The following EML4 variants were observed in gnomAD, a reference collection of about 807,000 sequenced individuals.
EML4 encodes EMAP like 4, also known as echinoderm microtubule-associated protein-like 4.
Under a neutral mutation model 129.0 loss-of-function variants are expected in EML4, and 72 were observed. The ratio of observed to expected loss-of-function variants is 0.56; its 90% CI spans 0.46 to 0.68. The LOEUF is 0.68. Ranked by LOEUF, EML4 falls within the 30% of genes least tolerant of loss-of-function variation. The probability of loss-of-function intolerance (pLI) is 0.00; values close to 1 mark genes in which losing one functional copy is unlikely to be tolerated. For missense variants in EML4, 1,363 were observed against 1,190.6 expected (o/e 1.14, Z -2.13); for synonymous variants, 532 against 405.0 (o/e 1.31, Z -3.77).
At position 42,331,271 on chromosome 2, in the gene EML4, AG is replaced by A. The variant is rs1670085900; in HGVS notation, c.*1065del. Reference sequence around the variant, plus strand: ...CAGAAGTGTGGGTAACAGTCACAGCAGTTTTTTTTACCAACAGCATACTTAA... The same window carrying A: ...CAGAAGTGTGGGTAACAGTCACAGCATTTTTTTTACCAACAGCATACTTAA... On this transcript the variant is annotated 3_prime_UTR_variant, in exon 23 of 23. Coordinates refer to ENST00000318522, the MANE Select transcript of EML4 (RefSeq NM_019063.5). 8.9e-6 allele frequency: 2 copies of A among 223,714 alleles called. No individual in the cohort carries two copies. The highest frequency in any genetic ancestry group is 4.5e-5 in the African/African-American group (2 of 44,810). 13.9% of individuals were successfully genotyped at this position (223,714 alleles called of 1,614,324 possible).
intron 1 of EML4, among the ~76,000 whole-genome samples, chr2:42,220,868 A>T (rs1037663215): frequency 6.6e-6 from 1 of 152,214 alleles, no homozygotes; most frequent in African/African-American, 2.4e-5. Context: ...CTGAATATAA[A>T]GTCAGACCAG....
intron 1 of EML4, among the ~76,000 whole-genome samples, chr2:42,216,476 C>T (rs987958745): frequency 1.3e-5 from 2 of 151,400 alleles, no homozygotes; most frequent in African/African-American, 2.4e-5. Flanking sequence ...CTCCTGACGT[C>T]GTGATCCACC....
At chr2:42,315,853 G>C in intron 17 of EML4, 109 bp from the exon 18 acceptor site, 1 of 747,402 alleles carries the variant, frequency 1.3e-6, no homozygotes, top group Non-Finnish European at 2.3e-6. Flanking sequence ...ATGCACACCA[G>C]CGTTATGACA....
intron 22 of EML4, 45 bp from the exon 23 acceptor site, chr2:42,329,689 A>C (rs1669994562): frequency 6.5e-7 from 1 of 1,532,050 alleles, no homozygotes; most frequent in South Asian, 1.2e-5. Context: ...CAGGCATGTC[A>C]AGAATGAGTT....
At chr2:42,298,129 C>A (rs1668061409) in intron 13 of EML4, among the ~76,000 whole-genome samples, 1 of 152,160 alleles carries the variant, frequency 6.6e-6, no homozygotes, top group African/African-American at 2.4e-5. Flanking sequence ...TTAAGTCTTG[C>A]AAAGGAGCTA....
At chr2:42,221,747 G>C (rs1007339709) in intron 1 of EML4, among the ~76,000 whole-genome samples, 1 of 151,906 alleles carries the variant, frequency 6.6e-6, no homozygotes, top group South Asian at 2.1e-4. Flanking sequence ...GGGATTATAG[G>C]TGCCCACTAC....
intron 8 of EML4, 25 bp downstream of exon 8, chr2:42,282,997 A>AT: frequency 1.3e-6 from 2 of 1,555,088 alleles, no homozygotes; most frequent in South Asian, 1.2e-5. Flanking sequence ...ACATTGGTTC[A>AT]TTTTTGTTCT....
chr2:42,216,230 C>CCTTTT (rs1673177607), intron 1 of EML4, among the ~76,000 whole-genome samples: 5 of 43,356 alleles, frequency 1.2e-4, no homozygotes, highest in African/African-American at 6.4e-4. Flanking sequence ...CGGCCCACTT[C>CCTTTT]TTTTTTTTTT....
intron 13 of EML4, among the ~76,000 whole-genome samples, chr2:42,296,338 C>CA (rs1298393124): frequency 3.3e-5 from 5 of 150,336 alleles, no homozygotes; most frequent in Admixed American, 2.0e-4. Flanking sequence ...AATAATTCAC[C>CA]AAAAAAAAAG....
Position 42,323,404 on chromosome 2 carries a change from T to C in EML4, c.2155-2063T>C, listed in dbSNP as rs532975778. Reference sequence around the variant, plus strand: ...GCCTAGCAAGTGATTCCCAACGTGTTTTCCAATATACCGCTTAATTCTAGT... The same window carrying C: ...GCCTAGCAAGTGATTCCCAACGTGTCTTCCAATATACCGCTTAATTCTAGT... On this transcript the variant is annotated intron_variant, in intron 19 of 22. Transcript: ENST00000318522. Among the ~76,000 whole-genome samples, 244 of 152,314 alleles carry C rather than the reference T, an allele frequency of 1.6e-3. 1 individual carries two copies. The highest frequency in any genetic ancestry group is 5.7e-3 in the African/African-American group (236 of 41,570).
chr2:42,252,978 T>A (rs1332151239), intron 2 of EML4, among the ~76,000 whole-genome samples: 2 of 152,196 alleles, frequency 1.3e-5, no homozygotes, highest in East Asian at 3.9e-4. Context: ...AACTGCCTTA[T>A]ATATGTTTGT....
Position 42,226,396 on chromosome 2 carries a change from A to C in EML4, c.26-19109A>C, listed in dbSNP as rs7566523. Among the ~76,000 whole-genome samples the C allele has an allele frequency of 9.6e-3, 1,454 of 152,176 alleles. 28 individuals carry two copies. The highest frequency in any genetic ancestry group is 0.033 in the African/African-American group (1,353 of 41,536). On this transcript the variant is annotated intron_variant, in intron 1 of 22. Coordinates refer to ENST00000318522, the MANE Select transcript of EML4 (RefSeq NM_019063.5). ...AATTATGGGCCGGGCGTGGTGGCTCATGGCTGTAAACCCAGCACTTTGGGA... is the reference window on the plus strand; with the variant it reads ...AATTATGGGCCGGGCGTGGTGGCTCCTGGCTGTAAACCCAGCACTTTGGGA...
intron 1 of EML4, among the ~76,000 whole-genome samples, chr2:42,242,105 GA>G (rs2104278616): frequency 6.6e-6 from 1 of 152,110 alleles, no homozygotes; most frequent in South Asian, 2.1e-4. Flanking sequence ...AAAGTTTGCT[GA>G]AGGTAAGTTA....
chr2:42,274,913 TC>T lies in EML4; in HGVS notation c.668-5935del, dbSNP rs149054700. ...AATTTTTTGCCTAACAATCACTCTT[TC>T]CAAAGATAGTAGAGCAGAAACATCT... On this transcript the variant is annotated intron_variant, in intron 6 of 22. Coordinates refer to ENST00000318522, the MANE Select transcript of EML4 (RefSeq NM_019063.5). Among the ~76,000 whole-genome samples the T allele has an allele frequency of 2.4e-4, 37 of 152,268 alleles. 1 individual carries two copies. The East Asian group carries it at 7.1e-3, about 29-fold the overall frequency.
chr2:42,314,600 A>C (rs112900790), intron 17 of EML4, among the ~76,000 whole-genome samples: 7 of 152,174 alleles, frequency 4.6e-5, no homozygotes, highest in African/African-American at 1.7e-4. Context: ...CTGCACTACT[A>C]TTAAATACCT....
At chr2:42,174,893 C>G (rs1670510282) in intron 1 of EML4, among the ~76,000 whole-genome samples, 1 of 151,860 alleles carries the variant, frequency 6.6e-6, no homozygotes, top group Non-Finnish European at 1.5e-5. Context: ...TCTCGGCTCA[C>G]TGCAGCCTCC....
At chr2:42,228,290 A>G (rs1431160996) in intron 1 of EML4, among the ~76,000 whole-genome samples, 1 of 152,112 alleles carries the variant, frequency 6.6e-6, no homozygotes, top group Non-Finnish European at 1.5e-5. Context: ...AATTCTCCTC[A>G]TAGAAAAATG....
rs1366559395 is a variant in EML4 at position 42,264,101 on chromosome 2, G to GTT, written c.642-604_642-603insTT. ...TTAAGGCTCCCAACTCAAACAATAC[G>GTT]TGTTTTTTTTTTTTTTTTTTTTTTT... On this transcript the variant is annotated intron_variant, in intron 5 of 22. Coordinates refer to ENST00000318522, the MANE Select transcript of EML4 (RefSeq NM_019063.5). 3.7e-4 allele frequency among the ~76,000 whole-genome samples: 35 copies of GTT among 95,702 alleles called. 11 individuals carry two copies. The highest frequency in any genetic ancestry group is 4.8e-3 in the Middle Eastern group (1 of 208). The allele number at this position is 95,702 out of a possible 152,430, so 62.8% of individuals were successfully genotyped here. A position where few individuals can be genotyped will look rare whatever the true frequency, so the allele number is the denominator to read the frequency against.
At chr2:42,180,194 C>T (rs1670850466) in intron 1 of EML4, among the ~76,000 whole-genome samples, 1 of 152,122 alleles carries the variant, frequency 6.6e-6, no homozygotes, top group Non-Finnish European at 1.5e-5. Context: ...AAATTCCAGG[C>T]AAACCCTTGA....
Sources: gnomAD v4.1 joint callset for allele counts (sites outside exome capture counted in the v4.1 genomes callset) on GRCh38, gnomAD v4.1.1 for gene constraint, MANE v1.5 for transcripts, NCBI Gene and HGNC (gene_info 2026-07-23, HGNC 2026-07-21) for gene names.